UHRF1: variants seen among roughly 807,000 people sequenced by gnomAD.
UHRF1 encodes E3 ubiquitin-protein ligase UHRF1.
A neutral mutation model predicts 96.5 loss-of-function variants in UHRF1; 9 were observed. The ratio of observed to expected loss-of-function variants is 0.09; its 90% CI spans 0.06 to 0.16. The LOEUF (loss-of-function observed/expected upper bound fraction) is 0.16. UHRF1 is among the 10% of genes least tolerant of loss of function. The probability of loss-of-function intolerance (pLI) is 1.00; values close to 1 mark genes in which losing one functional copy is unlikely to be tolerated. For missense variants in UHRF1, 626 were observed against 1,131.1 expected, an observed-to-expected ratio of 0.55 and a Z score of 6.40; for synonymous variants, 455 against 469.9, an observed-to-expected ratio of 0.97 and a Z score of 0.41.
chr19:4,950,137 C>T (rs927169314), intron 11 of UHRF1, among the ~76,000 whole-genome samples: 1 of 150,188 alleles, frequency 6.7e-6, no homozygotes, highest in East Asian at 1.9e-4. Context: ...TCCCAGAGTA[C>T]TGGGATTAGA....
chr19:4,925,078 TG>T (rs1157572636), intron 2 of UHRF1, among the ~76,000 whole-genome samples: 1 of 152,110 alleles, frequency 6.6e-6, no homozygotes, highest in Non-Finnish European at 1.5e-5. Flanking sequence ...CCACCTGCCT[TG>T]GCCTCCCAGA....
intron 16 of UHRF1, among the ~76,000 whole-genome samples, chr19:4,958,870 T>G (rs6510831): frequency 0.033 from 4,881 of 149,968 alleles, 251 homozygotes; most frequent in African/African-American, 0.11. Context: ...ACTGAGGTGG[T>G]AGAATCGCTT....
At chr19:4,919,974 C>G (rs1001243004) in intron 2 of UHRF1, among the ~76,000 whole-genome samples, 2 of 151,822 alleles carry the variant, frequency 1.3e-5, no homozygotes, top group Non-Finnish European at 2.9e-5. Flanking sequence ...CCCACCACCA[C>G]GCCTGGCTAA....
At position 4,955,107 on chromosome 19, in the gene UHRF1, C is replaced by T. The variant is rs563009060; in HGVS notation, c.2130+285C>T. On this transcript the variant is annotated intron_variant, in intron 15 of 16. Coordinates refer to ENST00000650932, the MANE Select transcript of UHRF1 (RefSeq NM_001048201.3). ...AGCCCCTGCACCCGCTCCCCAGCTC[C>T]GGCACCCCCTGCCATCCTACCTTCT... Among the ~76,000 whole-genome samples the T allele has an allele frequency of 3.9e-5, 6 of 152,200 alleles. No individual in the cohort carries two copies. In the East Asian group the frequency reaches 5.8e-4, roughly 15 times the overall value.
Position 4,954,970 on chromosome 19 carries a change from C to T in UHRF1, c.2130+148C>T, listed in dbSNP as rs1369378633. 1.6e-5 allele frequency: 16 copies of T among 1,001,044 alleles called. No homozygotes were observed. The highest frequency in any genetic ancestry group is 2.2e-5 in the Non-Finnish European group (15 of 682,350). The allele number at this position is 1,001,044 out of a possible 1,614,324, so 62.0% of individuals were successfully genotyped here. On this transcript the variant is annotated intron_variant, in intron 15 of 16. Transcript: ENST00000650932. The surrounding 1 kb of genome is among the most constrained non-coding windows in gnomAD (Gnocchi z 5.9). ...GGTTGTGCAACCATCACCACCATCA[C>T]CACCTCCAGAACTTTATCCTCTCCC...
At chr19:4,956,861 G>T (rs2033870106) in intron 16 of UHRF1, 48 bp downstream of exon 16, 2 of 1,355,988 alleles carry the variant, frequency 1.5e-6, no homozygotes, top group African/African-American at 1.4e-5. Context: ...CTGGAAGGAT[G>T]ACCTGACCTC....
intron 16 of UHRF1, among the ~76,000 whole-genome samples, chr19:4,957,205 G>A (rs1398615910): frequency 1.3e-5 from 2 of 151,936 alleles, no homozygotes; most frequent in Admixed American, 6.6e-5. Flanking sequence ...GGGGCCTGCA[G>A]TGGCTCTGGG....
chr19:4,945,707 C>T (rs1002241585), intron 9 of UHRF1, among the ~76,000 whole-genome samples, 154 bp from the exon 10 acceptor site: 21 of 151,110 alleles, frequency 1.4e-4, no homozygotes, highest in Non-Finnish European at 2.5e-4. Flanking sequence ...CGTCTCTAGC[C>T]GAGCAGCACA....
In UHRF1 at chr19:4,961,116, G is replaced by C. The variant is rs2033976773; in HGVS notation, c.*313G>C. 1.0e-5 allele frequency: 1 copy of C among 98,026 alleles called. No homozygotes were observed. The highest frequency in any genetic ancestry group is 2.7e-3 in the Middle Eastern group (1 of 370). The allele number at this position is 98,026 out of a possible 1,614,324, so 6.1% of individuals were successfully genotyped here. A position where few individuals can be genotyped will look rare whatever the true frequency, so the allele number is the denominator to read the frequency against. On this transcript the variant is annotated 3_prime_UTR_variant, in exon 17 of 17. Transcript: ENST00000650932. ...GAATCAGAAACTACGTGGTGTGGAG[G>C]CTGTTGATGTTTCTGGTGTCAAGTT...
chr19:4,936,389 C>T (rs2033216715), intron 5 of UHRF1, among the ~76,000 whole-genome samples: 1 of 152,072 alleles, frequency 6.6e-6, no homozygotes, highest in African/African-American at 2.4e-5. Flanking sequence ...AGATGACAGA[C>T]CAGGGAGATG....
chr19:4,932,944 A>G lies in UHRF1; in HGVS notation c.773A>G (p.Asn258Ser), dbSNP rs747219244. 32 of 1,611,852 alleles carry G rather than the reference A, an allele frequency of 2.0e-5. No individual in the cohort carries two copies. In the South Asian group the frequency reaches 3.1e-4, roughly 16 times the overall value. The change falls in exon 5 of 17, where the codon AAC becomes AGC. Residue 258 changes from asparagine to serine, a missense_variant. Transcript: ENST00000650932. ...ETRTARELYA[N>S]VVLGDDSLND... ...AGGACGGCGCGGGAACTCTACGCCA[A>G]CGTGGTGCTGGGGTGAGCCTCGCGT...
intron 16 of UHRF1, among the ~76,000 whole-genome samples, chr19:4,957,907 C>A (rs2033900040): frequency 6.6e-6 from 1 of 152,196 alleles, no homozygotes; most frequent in Admixed American, 6.5e-5. Flanking sequence ...GCCGGCAGTC[C>A]CGGTGGACAG....
chr19:4,950,251 T>G (rs2033681223), intron 11 of UHRF1, among the ~76,000 whole-genome samples: 1 of 151,522 alleles, frequency 6.6e-6, no homozygotes. Flanking sequence ...ATTAAATTTT[T>G]TTTTTTTTTT....
chr19:4,913,838 T>C (rs1250960551), intron 2 of UHRF1, among the ~76,000 whole-genome samples: 2 of 146,380 alleles, frequency 1.4e-5, no homozygotes, highest in African/African-American at 2.5e-5. Context: ...TTGGAGACAG[T>C]TTCGCTCTTA....
intron 5 of UHRF1, among the ~76,000 whole-genome samples, chr19:4,938,730 G>GGTTTTT (rs1568421924): frequency 8.1e-5 from 5 of 61,566 alleles, no homozygotes; most frequent in Admixed American, 5.1e-4. Flanking sequence ...TTTTGGTCAG[G>GGTTTTT]TTTTTTTTTT....
At chr19:4,918,052 C>G (rs189760850) in intron 2 of UHRF1, among the ~76,000 whole-genome samples, 3 of 152,226 alleles carry the variant, frequency 2.0e-5, no homozygotes, top group African/African-American at 4.8e-5. Context: ...CAGTTTCCCC[C>G]CTGTAGTAAC....
intron 2 of UHRF1, among the ~76,000 whole-genome samples, chr19:4,920,448 A>G (rs1271354751): frequency 6.6e-6 from 1 of 151,980 alleles, no homozygotes; most frequent in Non-Finnish European, 1.5e-5. Flanking sequence ...GAAAAAAAAA[A>G]GTAAGTCCCA....
chr19:4,909,774 G>A (rs1223325308), intron 1 of UHRF1, 119 bp downstream of exon 1: 3 of 466,526 alleles, frequency 6.4e-6, no homozygotes, highest in Non-Finnish European at 1.1e-5. Context: ...CTCTGTCCCG[G>A]GATCCAGGGC....
intron 2 of UHRF1, among the ~76,000 whole-genome samples, chr19:4,919,210 T>G (rs1386708295): frequency 6.6e-6 from 1 of 151,764 alleles, no homozygotes; most frequent in African/African-American, 2.4e-5. Context: ...GCCCAGGTGA[T>G]CTTCAACTCC....
Sources: gnomAD v4.1 joint callset for allele counts (sites outside exome capture counted in the v4.1 genomes callset) on GRCh38, gnomAD v4.1.1 for gene constraint, Gnocchi (gnomAD v3.1) non-coding constraint, MANE v1.5 for transcripts, NCBI Gene and HGNC (gene_info 2026-07-23, HGNC 2026-07-21) for gene names.